Variants in MED12L observed in about 807,000 individuals in gnomAD.
The protein encoded by MED12L is mediator of RNA polymerase II transcription subunit 12-like protein.
Under a neutral mutation model 281.3 loss-of-function variants are expected in MED12L, and 60 were observed. That is an observed-to-expected ratio of 0.21 (90% CI 0.17 to 0.26). The LOEUF is 0.26. Among genes scored for constraint, MED12L ranks in the 10% least tolerant of loss-of-function variants. MED12L has a pLI of 1.00. For missense variants in MED12L, 2,146 were observed against 2,680.9 expected (o/e 0.80, Z 4.41); for synonymous variants, 974 against 987.2 (o/e 0.99, Z 0.25).
intron 16 of MED12L, chr3:151,300,224 A>C: frequency 1.3e-6 from 1 of 765,318 alleles, no homozygotes; most frequent in Admixed American, 2.0e-5. Context: ...AAAATGAGGA[A>C]AAAATCATCT....
chr3:151,161,382 A>G (rs1719960170), intron 8 of MED12L, among the ~76,000 whole-genome samples: 1 of 152,188 alleles, frequency 6.6e-6, no homozygotes, highest in South Asian at 2.1e-4. Flanking sequence ...TGGCTGTTCA[A>G]AAACCCAAGA....
At chr3:151,323,097 T>A (rs1749180592) in intron 16 of MED12L, among the ~76,000 whole-genome samples, 1 of 152,224 alleles carries the variant, frequency 6.6e-6, no homozygotes, top group Non-Finnish European at 1.5e-5. Context: ...GGAGGCATTA[T>A]GGATCCCATT....
At chr3:151,173,851 G>A (rs1209960575) in intron 11 of MED12L, among the ~76,000 whole-genome samples, 1 of 152,178 alleles carries the variant, frequency 6.6e-6, no homozygotes, top group Non-Finnish European at 1.5e-5. Context: ...GTTGTCAAGT[G>A]AGTAGAACAA....
chr3:151,405,428 T>C (rs1011471758), intron 39 of MED12L, among the ~76,000 whole-genome samples: 3 of 152,182 alleles, frequency 2.0e-5, no homozygotes, highest in South Asian at 2.1e-4. Context: ...CTTACTGATA[T>C]GCTTAAAATC....
chr3:151,420,395 T>G (rs1380142732), intron 43 of MED12L, among the ~76,000 whole-genome samples: 2 of 152,114 alleles, frequency 1.3e-5, no homozygotes, highest in Admixed American at 1.3e-4. Context: ...GCAGTGTTCC[T>G]CCCTCTGGAA....
chr3:151,109,150 C>G (rs181021815), intron 2 of MED12L, among the ~76,000 whole-genome samples: 1 of 151,914 alleles, frequency 6.6e-6, no homozygotes, highest in Non-Finnish European at 1.5e-5. Context: ...CTCTGCCTCC[C>G]GGGTTCAAGT....
chr3:151,239,672 G>A (rs1733680438), intron 16 of MED12L, among the ~76,000 whole-genome samples: 1 of 152,164 alleles, frequency 6.6e-6, no homozygotes, highest in Non-Finnish European at 1.5e-5. Flanking sequence ...GAGGTCCTCA[G>A]TAATTTTTTA....
intron 43 of MED12L, among the ~76,000 whole-genome samples, chr3:151,426,445 A>G (rs1352217653): frequency 1.3e-5 from 2 of 152,176 alleles, no homozygotes; most frequent in African/African-American, 4.8e-5. Flanking sequence ...GCCCAGAGAA[A>G]TTGCATCTGG....
At chr3:151,113,195 A>G (rs931520878) in intron 2 of MED12L, among the ~76,000 whole-genome samples, 15 of 152,194 alleles carry the variant, frequency 9.9e-5, no homozygotes, top group Non-Finnish European at 1.3e-4. Flanking sequence ...TTGAGCAAAA[A>G]GTTAAGGTGG....
chr3:151,423,921 T>C (rs1403548391), intron 43 of MED12L, among the ~76,000 whole-genome samples: 2 of 152,238 alleles, frequency 1.3e-5, no homozygotes, highest in East Asian at 1.9e-4. Context: ...TCATATTATA[T>C]TGAATATTTG....
chr3:151,338,039 G>A (rs1751259870), intron 16 of MED12L: 1 of 1,614,124 alleles, frequency 6.2e-7, no homozygotes, highest in Non-Finnish European at 8.5e-7. Flanking sequence ...CAGCAGTGCA[G>A]TCAAAGACAT....
At chr3:151,280,905 G>T (rs372470931) in intron 16 of MED12L, among the ~76,000 whole-genome samples, 12 of 151,890 alleles carry the variant, frequency 7.9e-5, no homozygotes, top group African/African-American at 2.9e-4. Context: ...TTTAACAGTT[G>T]TCTAAGCTAG....
chr3:151,277,811 A>G lies in MED12L; in HGVS notation c.2251-72248A>G, dbSNP rs866708447. On this transcript the variant is annotated intron_variant, in intron 16 of 44. Coordinates refer to ENST00000687756, the MANE Select transcript of MED12L (RefSeq NM_001393769.1). ...GGTTAACTTATCCTAATAATGACAA[A>G]GATAAAAACTTTTACCTATATAAGT... 2.0e-5 allele frequency among the ~76,000 whole-genome samples: 3 copies of G among 152,240 alleles called. No individual in the cohort carries two copies. The South Asian group carries it at 6.2e-4, about 31-fold the overall frequency.
chr3:151,186,335 C>G (rs1471633001), intron 12 of MED12L, among the ~76,000 whole-genome samples: 1 of 152,170 alleles, frequency 6.6e-6, no homozygotes, highest in East Asian at 1.9e-4. Flanking sequence ...TCTGCTTCCT[C>G]TACACAGCAA....
rs553400887 is a variant in MED12L at position 151,434,956 on chromosome 3, G to C, written c.*2152G>C. ...CTCTAATTAATTCCACGATTCTATT[G>C]AAAGTTGAGGAATGCTGTTTTACCC... On this transcript the variant is annotated 3_prime_UTR_variant, in exon 45 of 45. Coordinates refer to ENST00000687756, the MANE Select transcript of MED12L (RefSeq NM_001393769.1). 6.6e-5 allele frequency: 10 copies of C among 151,706 alleles called. No individual in the cohort carries two copies. Among genetic ancestry groups the C allele is most frequent in the Admixed American group, 3.9e-4 (6 of 15,248 alleles). The allele number at this position is 151,706 out of a possible 1,614,324, so 9.4% of individuals were successfully genotyped here. A position where few individuals can be genotyped will look rare whatever the true frequency, so the allele number is the denominator to read the frequency against.
chr3:151,339,642 T>TA (rs546314914), intron 16 of MED12L, among the ~76,000 whole-genome samples: 259 of 145,462 alleles, frequency 1.8e-3, no homozygotes, highest in Non-Finnish European at 2.3e-3. Flanking sequence ...TTTAAAACAG[T>TA]AAAAAAAAAA....
intron 16 of MED12L, among the ~76,000 whole-genome samples, chr3:151,260,052 C>T (rs1019590454): frequency 6.6e-6 from 1 of 152,100 alleles, no homozygotes; most frequent in Non-Finnish European, 1.5e-5. Flanking sequence ...TTGTCAACCA[C>T]AGCATTCAGC....
intron 5 of MED12L, among the ~76,000 whole-genome samples, chr3:151,132,563 G>A (rs1405484375): frequency 2.0e-5 from 3 of 152,120 alleles, no homozygotes; most frequent in Non-Finnish European, 4.4e-5. Flanking sequence ...AATACTGATG[G>A]TGGTAACTTT....
Position 151,435,062 on chromosome 3 carries a change from C to CTTTTTTTTTTTTTTTTTTTTTTTTTT in MED12L, c.*2278_*2279insTTTTTTTTTTTTTTTTTTTTTTTTTT, listed in dbSNP as rs66791814. ...GTTAATTCTGTATCTTGAGAGGTTT[C>CTTTTTTTTTTTTTTTTTTTTTTTTTT]TTTTTTTTTTTTTTTTTTTTCTTTT... On this transcript the variant is annotated 3_prime_UTR_variant, in exon 45 of 45. Coordinates refer to ENST00000687756, the MANE Select transcript of MED12L (RefSeq NM_001393769.1). 2 of 119,082 alleles carry CTTTTTTTTTTTTTTTTTTTTTTTTTT rather than the reference C, an allele frequency of 1.7e-5. No homozygotes were observed. Among genetic ancestry groups the CTTTTTTTTTTTTTTTTTTTTTTTTTT allele is most frequent in the Non-Finnish European group, 1.7e-5 (1 of 57,276 alleles). 7.4% of individuals were successfully genotyped at this position (119,082 alleles called of 1,614,324 possible).
Sources: allele counts gnomAD v4.1 joint callset (sites outside exome capture counted in the v4.1 genomes callset), GRCh38; gene constraint gnomAD v4.1.1; transcripts MANE v1.5; gene names NCBI Gene and HGNC (gene_info 2026-07-23, HGNC 2026-07-21).